The following ST6GALNAC2 variants were observed in gnomAD, a reference collection of about 807,000 sequenced individuals.
The protein encoded by ST6GALNAC2 is alpha-N-acetylgalactosaminide alpha-2,6-sialyltransferase 2.
In ST6GALNAC2, 42 loss-of-function variants were observed where a neutral mutation model predicts 38.7. The ratio of observed to expected loss-of-function variants is 1.09; its 90% CI spans 0.85 to 1.40. The LOEUF (loss-of-function observed/expected upper bound fraction) is 1.40, where lower values mean the gene tolerates loss of function less well. Among genes scored for constraint, ST6GALNAC2 ranks in the 40% most tolerant of loss-of-function variants. The probability of loss-of-function intolerance (pLI) is 0.00; values close to 1 mark genes in which losing one functional copy is unlikely to be tolerated. For synonymous variants in ST6GALNAC2, 233 were observed against 209.0 expected (o/e 1.11, Z -0.99); for missense variants, 506 against 481.7 (o/e 1.05, Z -0.47).
In ST6GALNAC2 at chr17:76,568,706, T is replaced by A; in HGVS notation, c.857+7A>T. The A allele has an allele frequency of 6.2e-7, 1 of 1,613,644 alleles. No individual in the cohort carries two copies. The highest frequency in any genetic ancestry group is 1.7e-4 in the Middle Eastern group (1 of 6,060). ...GGACGCTGTTCTTCAGGCACCCCAC[T>A]CCGTACCTTTCTGTCAGGTAGCTGA... On this transcript the variant is annotated splice_region_variant and intron_variant, in intron 7 of 8. Coordinates refer to ENST00000225276, the MANE Select transcript of ST6GALNAC2 (RefSeq NM_006456.3).
At chr17:76,570,719 T>G in intron 5 of ST6GALNAC2, 51 bp from the exon 6 acceptor site, 1 of 1,438,426 alleles carries the variant, frequency 7.0e-7, no homozygotes, top group South Asian at 1.2e-5. Flanking sequence ...CATGTTTAGC[T>G]CCTCAGTGTG....
chr17:76,577,563 T>C (rs2143310692), intron 2 of ST6GALNAC2, among the ~76,000 whole-genome samples: 1 of 150,848 alleles, frequency 6.6e-6, no homozygotes, highest in East Asian at 1.9e-4. Flanking sequence ...AAGTGCCCAT[T>C]GGCCTCTGTA....
intron 8 of ST6GALNAC2, 59 bp from the exon 9 acceptor site, chr17:76,566,330 T>C (rs900941269): frequency 1.3e-6 from 2 of 1,548,812 alleles, no homozygotes; most frequent in African/African-American, 2.7e-5. Flanking sequence ...TACAGACACT[T>C]GGGTGAAGTG....
chr17:76,575,466 G>C (rs960596624), intron 2 of ST6GALNAC2, among the ~76,000 whole-genome samples: 2 of 152,108 alleles, frequency 1.3e-5, no homozygotes, highest in African/African-American at 2.4e-5. Flanking sequence ...GCCGGGTGAT[G>C]ATGAAGCAGG....
chr17:76,570,289 T>A, intron 6 of ST6GALNAC2: 1 of 441,262 alleles, frequency 2.3e-6, no homozygotes, highest in Non-Finnish European at 4.2e-6. Flanking sequence ...GCTCACCCCA[T>A]TCAGAAGAGC....
chr17:76,566,397 T>C lies in ST6GALNAC2; in HGVS notation c.958-126A>G, dbSNP rs1024228510. On this transcript the variant is annotated intron_variant, in intron 8 of 8. Coordinates refer to ENST00000225276, the MANE Select transcript of ST6GALNAC2 (RefSeq NM_006456.3). ...GGTGAGGATAATGGTCTAGGGCTTATTCCCACTTAGCAAGTGGGGAGATGG... is the reference window on the plus strand; with the variant it reads ...GGTGAGGATAATGGTCTAGGGCTTACTCCCACTTAGCAAGTGGGGAGATGG... 2.8e-5 allele frequency: 28 copies of C among 1,001,288 alleles called. No individual in the cohort carries two copies. The East Asian group carries it at 6.3e-4, about 23-fold the overall frequency. The allele number at this position is 1,001,288 out of a possible 1,614,324, so 62.0% of individuals were successfully genotyped here.
chr17:76,572,752 C>A lies in ST6GALNAC2; in HGVS notation c.554G>T (p.Gly185Val). 6.2e-7 allele frequency: 1 copy of A among 1,614,174 alleles called. No homozygotes were observed. The highest frequency in any genetic ancestry group is 8.5e-7 in the Non-Finnish European group (1 of 1,180,020). The change falls in exon 5 of 9, where the codon GGC becomes GTC. Residue 185 changes from glycine (G) to valine (V), a missense_variant. Transcript: ENST00000225276. ...VFRLNGAVIK[G>V]FERDVGTKTS... ...CTTGGTGCCCACATCGCGCTCGAAG[C>A]CTTTGATCACAGCTCCATTGAGTCT...
At chr17:76,578,533 C>T (rs986469803) in intron 2 of ST6GALNAC2, among the ~76,000 whole-genome samples, 2 of 152,106 alleles carry the variant, frequency 1.3e-5, no homozygotes, top group Admixed American at 1.3e-4. Flanking sequence ...GGCTACACCC[C>T]ATGAGTACAT....
rs2075279665 is a variant in ST6GALNAC2, at chr17:76,566,205, T to C, written c.1024A>G (p.Met342Val). The change falls in exon 9 of 9, where the codon ATG becomes GTG. Residue 342 changes from methionine (M) to valine (V), a missense_variant. Physicochemically the swap from Met to Val is conservative, Grantham distance 21. Transcript: ENST00000225276. ...KFSDHYFERKMKPLIFYANHD... is the reference protein window; with the variant it reads ...KFSDHYFERKVKPLIFYANHD... Reference sequence around the variant, plus strand: ...TTTGCATAAAATATCAATGGCTTCATTTTTCGTTCGAAATAGTGGTCGGAA... The same window carrying C: ...TTTGCATAAAATATCAATGGCTTCACTTTTCGTTCGAAATAGTGGTCGGAA... 1.2e-6 allele frequency: 2 copies of C among 1,614,016 alleles called. No homozygotes were observed. The highest frequency in any genetic ancestry group is 1.7e-6 in the Non-Finnish European group (2 of 1,180,046).
chr17:76,572,736 C>T lies in ST6GALNAC2; in HGVS notation c.570G>A (p.Val190=). Residue 190 remains valine, a synonymous_variant, in exon 5 of 9, where the codon GTG becomes GTA. Transcript: ENST00000225276. ...GAVIKGFERD[V]GTKTSFYGFT... is the part of the protein sequence containing the mutation. ...AACCATAGAAGGAAGTCTTGGTGCC[C>T]ACATCGCGCTCGAAGCCTTTGATCA... 1 of 1,614,166 alleles carries T rather than the reference C, an allele frequency of 6.2e-7. No homozygotes were observed. The highest frequency in any genetic ancestry group is 8.5e-7 in the Non-Finnish European group (1 of 1,180,016).
chr17:76,585,761 C>A lies in ST6GALNAC2; in HGVS notation c.48G>T (p.Thr16=), dbSNP rs748220106. 1.3e-6 allele frequency: 2 copies of A among 1,553,390 alleles called. No individual in the cohort carries two copies. Among genetic ancestry groups the A allele is most frequent in the Non-Finnish European group, 1.7e-6 (2 of 1,151,794 alleles). The part of the protein sequence containing the change: ...GSFFWLLLLL[T]AACSGLLFAL... The stretch of plus-strand genomic sequence containing the variant: ...CAAAGAGGAGCCCCGAGCAGGCAGC[C>A]GTGAGCAGGAGCAGCAGCCAGAAGA... Residue 16 remains threonine (T), a synonymous_variant, in exon 1 of 9, where the codon ACG becomes ACT. Coordinates refer to ENST00000225276, the MANE Select transcript of ST6GALNAC2 (RefSeq NM_006456.3).
At chr17:76,572,329 T>C (rs8076505) in intron 5 of ST6GALNAC2, among the ~76,000 whole-genome samples, 103,842 of 152,020 alleles carry the variant, frequency 0.68, 35,606 homozygotes, top group East Asian at 0.78. Flanking sequence ...CACCAGGCTT[T>C]TATCCCCACA....
Position 76,573,159 on chromosome 17 carries a change from T to TGCCACC in ST6GALNAC2, c.530+35_530+36insGGTGGC. 4 of 1,530,324 alleles carry TGCCACC rather than the reference T, an allele frequency of 2.6e-6. No individual in the cohort carries two copies. Among genetic ancestry groups the TGCCACC allele is most frequent in the Middle Eastern group, 1.9e-4 (1 of 5,286 alleles). 94.8% of individuals were successfully genotyped at this position (1,530,324 alleles called of 1,614,324 possible). ...GACACCCCCACCCTCCAGGCAACTC[T>TGCCACC]CCCTCCCGCCCCTCCCCAGCTCCTA... On this transcript the variant is annotated intron_variant, in intron 4 of 8. Coordinates refer to ENST00000225276, the MANE Select transcript of ST6GALNAC2 (RefSeq NM_006456.3). The surrounding 1 kb of genome is among the most constrained non-coding windows in gnomAD (Gnocchi z 5.1).
chr17:76,582,464 C>T (rs1320136218), intron 1 of ST6GALNAC2, among the ~76,000 whole-genome samples: 5 of 151,778 alleles, frequency 3.3e-5, no homozygotes, highest in African/African-American at 7.3e-5. Context: ...CCACCATGCC[C>T]GGCCTTCATA....
intron 7 of ST6GALNAC2, chr17:76,567,980 T>TCAGGCCTGAGTTCACATCGAGCTGTGC (rs2075305857): frequency 1.1e-5 from 2 of 185,056 alleles, no homozygotes; most frequent in Non-Finnish European, 2.3e-5. Flanking sequence ...GGCTCTGCCC[T>TCAGGCCTGAGTTCACATCGAGCTGTGC]CAGGCCTGAG....
chr17:76,569,003 C>T (rs975576998), intron 6 of ST6GALNAC2: 60 of 460,724 alleles, frequency 1.3e-4, no homozygotes, highest in African/African-American at 1.3e-3. Context: ...AGGACCTCCA[C>T]GGGCGGGGTG....
chr17:76,568,425 G>GGCGC, intron 7 of ST6GALNAC2: 4 of 399,146 alleles, frequency 1.0e-5, no homozygotes, highest in South Asian at 3.6e-5. Context: ...CTGCTGCTGT[G>GGCGC]CACCTTATGG....
At position 76,566,136 on chromosome 17, in the gene ST6GALNAC2, T is replaced by C. The variant is rs375165759; in HGVS notation, c.1093A>G (p.Lys365Glu). 1.7e-5 allele frequency: 27 copies of C among 1,614,096 alleles called. No homozygotes were observed. The highest frequency in any genetic ancestry group is 2.2e-5 in the Non-Finnish European group (26 of 1,180,000). ...TGGTACAGCTGAAGGATGCCGGCCT[T>C]GTGCAGGTCCCTCCACAGGGCAGCT... ...LEAALWRDLH[K>E]AGILQLYQR Residue 365 changes from lysine (K) to glutamate (E), a missense_variant, in exon 9 of 9, where the codon AAG becomes GAG. Lys to Glu is a moderately conservative substitution (Grantham distance 56). Coordinates refer to ENST00000225276, the MANE Select transcript of ST6GALNAC2 (RefSeq NM_006456.3).
chr17:76,579,272 C>T (rs563035145), intron 1 of ST6GALNAC2, among the ~76,000 whole-genome samples: 8 of 152,360 alleles, frequency 5.3e-5, no homozygotes, highest in Non-Finnish European at 1.2e-4. Flanking sequence ...GATACTGTCA[C>T]TTTCTTATGT....
Sources: allele counts gnomAD v4.1 joint callset (sites outside exome capture counted in the v4.1 genomes callset), GRCh38; gene constraint gnomAD v4.1.1; non-coding constraint Gnocchi (gnomAD v3.1); transcripts MANE v1.5; gene names NCBI Gene and HGNC (gene_info 2026-07-23, HGNC 2026-07-21).